Variants in FIGN observed in about 807,000 individuals in gnomAD.
The protein encoded by FIGN is fidgetin, microtubule severing factor.
In FIGN, 11 loss-of-function variants were observed where a neutral mutation model predicts 51.3. That is an observed-to-expected ratio of 0.21 (90% CI 0.13 to 0.35). FIGN has a LOEUF of 0.35. Ranked by LOEUF, FIGN falls within the 10% of genes least tolerant of loss-of-function variation. The pLI is 1.00. For synonymous variants in FIGN, 407 were observed against 363.2 expected (o/e 1.12, Z -1.37); for missense variants, 857 against 943.6 (o/e 0.91, Z 1.20).
At chr2:163,644,897 G>A (rs1211937321) in intron 2 of FIGN, among the ~76,000 whole-genome samples, 1 of 152,150 alleles carries the variant, frequency 6.6e-6, no homozygotes, top group African/African-American at 2.4e-5. Flanking sequence ...AAACAGATTA[G>A]TAGTTTCTTA....
chr2:163,648,215 G>A (rs1683413596), intron 2 of FIGN, among the ~76,000 whole-genome samples: 2 of 151,876 alleles, frequency 1.3e-5, no homozygotes. Context: ...ATCACAAGCA[G>A]AGGAGAATTA....
intron 2 of FIGN, among the ~76,000 whole-genome samples, chr2:163,636,923 C>G (rs1460429517): frequency 1.3e-5 from 2 of 151,964 alleles, no homozygotes; most frequent in Non-Finnish European, 2.9e-5. Context: ...ATTGAAAATA[C>G]AAAAAATTAG....
At chr2:163,693,774 C>G (rs1194338303) in intron 2 of FIGN, among the ~76,000 whole-genome samples, 1 of 152,134 alleles carries the variant, frequency 6.6e-6, no homozygotes, top group Non-Finnish European at 1.5e-5. Context: ...GATTTTTCTT[C>G]TTTTCTAAAT....
intron 2 of FIGN, among the ~76,000 whole-genome samples, chr2:163,629,902 G>A (rs1209815730): frequency 6.7e-6 from 1 of 149,432 alleles, no homozygotes; most frequent in Non-Finnish European, 1.5e-5. Flanking sequence ...CAAAGAGATG[G>A]CATCAAGAGG....
chr2:163,650,966 T>C (rs1683464057), intron 2 of FIGN, among the ~76,000 whole-genome samples: 1 of 152,198 alleles, frequency 6.6e-6, no homozygotes, highest in Non-Finnish European at 1.5e-5. Flanking sequence ...AAAGAAATAG[T>C]TTCTGTGTTG....
chr2:163,631,768 C>T (rs922903404), intron 2 of FIGN, among the ~76,000 whole-genome samples: 7 of 152,142 alleles, frequency 4.6e-5, no homozygotes, highest in African/African-American at 1.4e-4. Context: ...TTATTTTGTT[C>T]GCAGCTACAT....
At chr2:163,638,730 C>G (rs541050997) in intron 2 of FIGN, among the ~76,000 whole-genome samples, 1 of 152,102 alleles carries the variant, frequency 6.6e-6, no homozygotes, top group African/African-American at 2.4e-5. Flanking sequence ...TTTCATTCAG[C>G]TATCAATCAA....
chr2:163,650,813 G>C (rs1053520836), intron 2 of FIGN, among the ~76,000 whole-genome samples: 1 of 152,324 alleles, frequency 6.6e-6, no homozygotes, highest in African/African-American at 2.4e-5. Context: ...TGTGAACAAT[G>C]TTCATGAGAT....
intron 2 of FIGN, chr2:163,617,401 G>C (rs561868327): frequency 5.1e-6 from 1 of 197,188 alleles, no homozygotes; most frequent in South Asian, 1.8e-4. Context: ...TTTCTATAAG[G>C]TGATGAAACC....
At chr2:163,621,366 T>C (rs113406581) in intron 2 of FIGN, among the ~76,000 whole-genome samples, 6 of 152,308 alleles carry the variant, frequency 3.9e-5, no homozygotes, top group African/African-American at 1.4e-4. Flanking sequence ...TAGTCAGGGC[T>C]GGGTGACATA....
chr2:163,609,430 C>T lies in FIGN; in HGVS notation c.*122G>A, dbSNP rs1345399950. On this transcript the variant is annotated 3_prime_UTR_variant, in exon 3 of 3. Coordinates refer to ENST00000333129, the MANE Select transcript of FIGN (RefSeq NM_018086.4). ...CCTGACTCTAAAGATGCAACTTAATCGTCATCTTCCCCAGTACCCTTTGCA... is the reference window on the plus strand; with the variant it reads ...CCTGACTCTAAAGATGCAACTTAATTGTCATCTTCCCCAGTACCCTTTGCA... 10 of 805,390 alleles carry T rather than the reference C, an allele frequency of 1.2e-5. No individual in the cohort carries two copies. Among genetic ancestry groups the T allele is most frequent in the Admixed American group, 2.9e-5 (1 of 34,452 alleles). 49.9% of individuals were successfully genotyped at this position (805,390 alleles called of 1,614,324 possible). A position where few individuals can be genotyped will look rare whatever the true frequency, so the allele number is the denominator to read the frequency against.
At chr2:163,625,817 A>C (rs1683046030) in intron 2 of FIGN, among the ~76,000 whole-genome samples, 1 of 152,104 alleles carries the variant, frequency 6.6e-6, no homozygotes, top group Non-Finnish European at 1.5e-5. Flanking sequence ...TAACATAAAT[A>C]TCTTTTGCTT....
In FIGN at chr2:163,608,504, A is replaced by C. The variant is rs1293490518; in HGVS notation, c.*1048T>G. ...ATAGTTTTTAGGTACTGTGACTTTCAGGGTCCTAAACAGGTCTTGTGGCTG... is the reference window on the plus strand; with the variant it reads ...ATAGTTTTTAGGTACTGTGACTTTCCGGGTCCTAAACAGGTCTTGTGGCTG... On this transcript the variant is annotated 3_prime_UTR_variant, in exon 3 of 3. Transcript: ENST00000333129. 2 of 152,716 alleles carry C rather than the reference A, an allele frequency of 1.3e-5. No homozygotes were observed. Among genetic ancestry groups the C allele is most frequent in the East Asian group, 3.9e-4 (2 of 5,182 alleles). 9.5% of individuals were successfully genotyped at this position (152,716 alleles called of 1,614,324 possible). A position where few individuals can be genotyped will look rare whatever the true frequency, so the allele number is the denominator to read the frequency against.
chr2:163,660,679 AT>A (rs1174867873), intron 2 of FIGN, among the ~76,000 whole-genome samples: 2 of 131,480 alleles, frequency 1.5e-5, no homozygotes, highest in African/African-American at 2.8e-5. Flanking sequence ...ACATATATAT[AT>A]ATATACACAT....
chr2:163,649,262 T>G (rs1683432440), intron 2 of FIGN, among the ~76,000 whole-genome samples: 1 of 152,194 alleles, frequency 6.6e-6, no homozygotes, highest in South Asian at 2.1e-4. Flanking sequence ...TGAGCCATAC[T>G]CCTCAGATAT....
chr2:163,621,740 C>G (rs961127083), intron 2 of FIGN, among the ~76,000 whole-genome samples: 4 of 152,038 alleles, frequency 2.6e-5, no homozygotes, highest in African/African-American at 9.7e-5. Context: ...GCAGTGTGAA[C>G]GACGGTCCAG....
intron 2 of FIGN, chr2:163,612,517 A>G: frequency 1.4e-5 from 14 of 985,176 alleles, no homozygotes; most frequent in Non-Finnish European, 1.7e-5. Flanking sequence ...CTTTCATCGC[A>G]CAAAGCCTAC....
At chr2:163,632,499 A>G (rs1004567557) in intron 2 of FIGN, among the ~76,000 whole-genome samples, 7 of 152,226 alleles carry the variant, frequency 4.6e-5, no homozygotes, top group Non-Finnish European at 8.8e-5. Flanking sequence ...CTAGGAGTAC[A>G]TACATTGAGG....
intron 2 of FIGN, among the ~76,000 whole-genome samples, chr2:163,674,273 CGTGT>C (rs1227965897): frequency 8.6e-5 from 13 of 152,020 alleles, no homozygotes; most frequent in African/African-American, 3.1e-4. Flanking sequence ...TGTGTGCGTG[CGTGT>C]GTGTTTTACA....
Sources: gnomAD v4.1 joint callset for allele counts (sites outside exome capture counted in the v4.1 genomes callset) on GRCh38, gnomAD v4.1.1 for gene constraint, MANE v1.5 for transcripts, NCBI Gene and HGNC (gene_info 2026-07-23, HGNC 2026-07-21) for gene names.